The following CHD9 variants were observed in gnomAD, a reference collection of about 807,000 sequenced individuals.
The protein encoded by CHD9 is ATP-dependent chromatin remodeler CHD9.
CHD9 carries 77 observed loss-of-function variants against 316.1 expected under a neutral mutation model. The ratio of observed to expected loss-of-function variants is 0.24; its 90% CI spans 0.20 to 0.29. The LOEUF (loss-of-function observed/expected upper bound fraction) is 0.29. CHD9 is among the 10% of genes least tolerant of loss of function. CHD9 has a pLI of 1.00. For missense variants in CHD9, 2,763 were observed against 3,438.1 expected (o/e 0.80, Z 4.91); for synonymous variants, 1,129 against 1,158.3 (o/e 0.97, Z 0.51).
chr16:53,080,889 C>T (rs1463001813), intron 1 of CHD9, among the ~76,000 whole-genome samples: 1 of 152,196 alleles, frequency 6.6e-6, no homozygotes, highest in Non-Finnish European at 1.5e-5. Context: ...ATGCCCGGCT[C>T]TGGGGAGATA....
At chr16:53,119,038 T>C (rs1303941726) in intron 1 of CHD9, among the ~76,000 whole-genome samples, 1 of 152,088 alleles carries the variant, frequency 6.6e-6, no homozygotes, top group Non-Finnish European at 1.5e-5. Flanking sequence ...GTGATCCACC[T>C]GCCTTAGCCT....
intron 5 of CHD9, 66 bp downstream of exon 5, chr16:53,226,578 A>C: frequency 6.5e-7 from 1 of 1,527,442 alleles, no homozygotes; most frequent in Non-Finnish European, 8.8e-7. Context: ...AAATACTTGC[A>C]TTGTTTTTCC....
At chr16:53,122,772 TCTC>T (rs932989502) in intron 1 of CHD9, among the ~76,000 whole-genome samples, 2 of 151,954 alleles carry the variant, frequency 1.3e-5, no homozygotes, top group African/African-American at 4.8e-5. Context: ...AGTGGAGCGA[TCTC>T]CTCTCACTGC....
At chr16:53,314,090 G>A (rs1017760905) in intron 34 of CHD9, among the ~76,000 whole-genome samples, 13 of 152,012 alleles carry the variant, frequency 8.6e-5, no homozygotes, top group African/African-American at 4.8e-5. Context: ...AAGGGGAAAT[G>A]TTTATCTTAG....
chr16:53,135,984 A>T (rs958291898), intron 1 of CHD9, among the ~76,000 whole-genome samples: 1 of 152,160 alleles, frequency 6.6e-6, no homozygotes, highest in Non-Finnish European at 1.5e-5. Context: ...TATAATCTTG[A>T]TATTCTCAGG....
chr16:53,280,262 G>A (rs1356672376), intron 24 of CHD9, among the ~76,000 whole-genome samples: 3 of 152,096 alleles, frequency 2.0e-5, no homozygotes, highest in Non-Finnish European at 2.9e-5. Context: ...CAAAAAACGT[G>A]GAACCAACCC....
intron 1 of CHD9, among the ~76,000 whole-genome samples, chr16:53,063,676 C>T (rs1298539757): frequency 2.0e-5 from 3 of 151,910 alleles, no homozygotes; most frequent in African/African-American, 7.3e-5. Flanking sequence ...GGACTACAGG[C>T]GCCCGCCACC....
Position 53,245,210 on chromosome 16 carries a change from A to G in CHD9, c.3055-126A>G. On this transcript the variant is annotated intron_variant, in intron 13 of 38. Transcript: ENST00000447540. The surrounding 1 kb of genome is among the most constrained non-coding windows in gnomAD (Gnocchi z 4.1). Reference sequence around the variant, plus strand: ...TATATATATATACACACACACACACATAACATATATATATGTATATATAGT... The same window carrying G: ...TATATATATATACACACACACACACGTAACATATATATATGTATATATAGT... 1.6e-6 allele frequency: 1 copy of G among 611,442 alleles called. No individual in the cohort carries two copies. The highest frequency in any genetic ancestry group is 2.5e-6 in the Non-Finnish European group (1 of 394,874). The allele number at this position is 611,442 out of a possible 1,614,324, so 37.9% of individuals were successfully genotyped here.
At chr16:53,291,390 A>G (rs937249369) in intron 27 of CHD9, among the ~76,000 whole-genome samples, 1 of 152,240 alleles carries the variant, frequency 6.6e-6, no homozygotes, top group African/African-American at 2.4e-5. Flanking sequence ...TGGTATAAGA[A>G]AGGGGAAAAA....
intron 27 of CHD9, among the ~76,000 whole-genome samples, chr16:53,290,110 C>G (rs769712466): frequency 2.0e-5 from 3 of 152,072 alleles, no homozygotes; most frequent in Non-Finnish European, 2.9e-5. Flanking sequence ...CCAATCTCTA[C>G]TAAATATACA....
At chr16:53,225,886 A>G (rs993951355) in intron 4 of CHD9, among the ~76,000 whole-genome samples, 1 of 152,176 alleles carries the variant, frequency 6.6e-6, no homozygotes, top group South Asian at 2.1e-4. Context: ...TTCATCTGAT[A>G]CACTTTTTAG....
chr16:53,188,602 C>CTTTTTTTTTT (rs369979479), intron 2 of CHD9, among the ~76,000 whole-genome samples: 1 of 71,236 alleles, frequency 1.4e-5, no homozygotes, highest in Non-Finnish European at 2.8e-5. Flanking sequence ...TGGTCATTAC[C>CTTTTTTTTTT]TTTTTTTTTT....
At chr16:53,155,370 A>G (rs763602259) in intron 1 of CHD9, among the ~76,000 whole-genome samples, 13 of 152,068 alleles carry the variant, frequency 8.5e-5, no homozygotes, top group Admixed American at 2.0e-4. Flanking sequence ...CTACAGGTAC[A>G]CACCACCATG....
At chr16:53,070,645 C>T (rs907323789) in intron 1 of CHD9, among the ~76,000 whole-genome samples, 2 of 151,938 alleles carry the variant, frequency 1.3e-5, no homozygotes, top group African/African-American at 4.8e-5. Flanking sequence ...ACCTCTGCCT[C>T]CCGGGTTCAT....
At chr16:53,306,679 C>T (rs2056005008) in intron 32 of CHD9, among the ~76,000 whole-genome samples, 4 of 152,176 alleles carry the variant, frequency 2.6e-5, no homozygotes, top group African/African-American at 4.8e-5. Context: ...GTGCTTTTGA[C>T]TGAGTCTCCT....
At chr16:53,266,404 A>G (rs909577325) in intron 20 of CHD9, among the ~76,000 whole-genome samples, 2 of 152,154 alleles carry the variant, frequency 1.3e-5, no homozygotes, top group African/African-American at 4.8e-5. Flanking sequence ...CTAGGACATA[A>G]GCATTTCCTG....
At position 53,296,171 on chromosome 16, in the gene CHD9, C is replaced by T. The variant is rs111566575; in HGVS notation, c.5511-785C>T. On this transcript the variant is annotated intron_variant, in intron 29 of 38. Coordinates refer to ENST00000447540, the MANE Select transcript of CHD9 (RefSeq NM_001308319.2). ...GTCAAGTCTGAACTGATCCTTCTAT[C>T]TTCTATGCTCTCCTGAAACTTTTGG... Among the ~76,000 whole-genome samples the T allele has an allele frequency of 3.0e-3, 460 of 152,286 alleles. 6 individuals carry two copies. The highest frequency in any genetic ancestry group is 0.01 in the African/African-American group (433 of 41,560).
chr16:53,276,703 C>G (rs529938093), intron 24 of CHD9, among the ~76,000 whole-genome samples: 1 of 152,026 alleles, frequency 6.6e-6, no homozygotes, highest in East Asian at 1.9e-4. Flanking sequence ...CTTTTTTTCT[C>G]TCTCTCTTTA....
At chr16:53,305,699 C>A (rs1014025760) in intron 31 of CHD9, among the ~76,000 whole-genome samples, 1 of 152,134 alleles carries the variant, frequency 6.6e-6, no homozygotes, top group Admixed American at 6.5e-5. Context: ...TGCAGGAACC[C>A]TTGCAGCAGT....
Sources: gnomAD v4.1 joint callset for allele counts (sites outside exome capture counted in the v4.1 genomes callset) on GRCh38, gnomAD v4.1.1 for gene constraint, Gnocchi (gnomAD v3.1) non-coding constraint, MANE v1.5 for transcripts, NCBI Gene and HGNC (gene_info 2026-07-23, HGNC 2026-07-21) for gene names.